TSHZ3: variants seen among roughly 807,000 people sequenced by gnomAD.
The protein encoded by TSHZ3 is teashirt homolog 3.
In TSHZ3, 10 loss-of-function variants were observed where a neutral mutation model predicts 64.5. That is an observed-to-expected ratio of 0.16 (90% CI 0.10 to 0.26). The LOEUF is 0.26. TSHZ3 is among the 10% of genes least tolerant of loss of function. The pLI, the probability that TSHZ3 is intolerant of heterozygous loss-of-function variation, is 1.00. For synonymous variants in TSHZ3, 608 were observed against 593.1 expected (o/e 1.03, Z -0.36); for missense variants, 1,242 against 1,421.7 (o/e 0.87, Z 2.03).
chr19:31,292,787 C>T (rs543243491), intron 1 of TSHZ3, among the ~76,000 whole-genome samples: 1 of 148,784 alleles, frequency 6.7e-6, no homozygotes, highest in South Asian at 2.2e-4. Context: ...TTCATCCATC[C>T]AAAAACATAT....
intron 1 of TSHZ3, among the ~76,000 whole-genome samples, chr19:31,344,403 G>A (rs1282087531): frequency 6.6e-6 from 1 of 152,238 alleles, no homozygotes; most frequent in South Asian, 2.1e-4. Context: ...TTTATTAATT[G>A]TTTTACGACA....
intron 1 of TSHZ3, among the ~76,000 whole-genome samples, chr19:31,324,921 T>C (rs1485295125): frequency 6.6e-6 from 1 of 152,184 alleles, no homozygotes; most frequent in African/African-American, 2.4e-5. Flanking sequence ...AAAATGCTGA[T>C]GTGGTGTCTC....
At chr19:31,226,858 G>A (rs76129567) in intron 4 of TSHZ3, among the ~76,000 whole-genome samples, 3,878 of 151,904 alleles carry the variant, frequency 0.026, 160 homozygotes, top group African/African-American at 0.089. Flanking sequence ...GCAGATATAG[G>A]CATCTGTGAT....
intron 5 of TSHZ3, among the ~76,000 whole-genome samples, chr19:31,180,863 C>G (rs540966167): frequency 1.3e-5 from 2 of 152,254 alleles, no homozygotes; most frequent in African/African-American, 4.8e-5. Context: ...CTGGGGCAGG[C>G]ATGTAATTCT....
intron 6 of TSHZ3, among the ~76,000 whole-genome samples, chr19:31,155,273 GCT>G (rs1472070786): frequency 6.6e-6 from 1 of 152,162 alleles, no homozygotes; most frequent in East Asian, 1.9e-4. Flanking sequence ...TTTGTACCCT[GCT>G]CTCTTACTTG....
chr19:31,273,411 C>T (rs1568365111), downstream of TSHZ3, among the ~76,000 whole-genome samples: 1 of 152,090 alleles, frequency 6.6e-6, no homozygotes, highest in Non-Finnish European at 1.5e-5. Flanking sequence ...ATTGGAAAGC[C>T]CAGAAGATGA....
intron 3 of TSHZ3, among the ~76,000 whole-genome samples, chr19:31,240,406 G>T (rs141110031): frequency 6.6e-6 from 1 of 151,934 alleles, no homozygotes; most frequent in Admixed American, 6.6e-5. Flanking sequence ...AAAATTCTTC[G>T]TGAGAAGAAT....
chr19:31,208,336 C>T (rs1379307150), intron 4 of TSHZ3, among the ~76,000 whole-genome samples: 1 of 152,102 alleles, frequency 6.6e-6, no homozygotes, highest in Non-Finnish European at 1.5e-5. Flanking sequence ...TAATAATTTC[C>T]CATCTTTGTC....
chr19:31,190,244 T>C (rs1252636220), intron 5 of TSHZ3, among the ~76,000 whole-genome samples: 1 of 152,126 alleles, frequency 6.6e-6, no homozygotes, highest in Non-Finnish European at 1.5e-5. Context: ...CCCTGGAGTT[T>C]TTGGCAGAAT....
At chr19:31,293,731 C>T (rs567393748) in intron 1 of TSHZ3, among the ~76,000 whole-genome samples, 2 of 152,350 alleles carry the variant, frequency 1.3e-5, no homozygotes, top group South Asian at 2.1e-4. Flanking sequence ...GTTTTAGAGT[C>T]GCTGATCCTG....
chr19:31,187,918 T>A (rs1974838384), intron 5 of TSHZ3, among the ~76,000 whole-genome samples: 1 of 152,084 alleles, frequency 6.6e-6, no homozygotes, highest in Admixed American at 6.6e-5. Context: ...TCCTCTAGAT[T>A]TCCATAAAAA....
At chr19:31,302,416 C>T (rs1599636034) in intron 1 of TSHZ3, among the ~76,000 whole-genome samples, 1 of 152,232 alleles carries the variant, frequency 6.6e-6, no homozygotes, top group Admixed American at 6.5e-5. Context: ...TCAGAAAGTA[C>T]TCACACCTGT....
intron 4 of TSHZ3, among the ~76,000 whole-genome samples, chr19:31,218,818 T>G (rs1476831880): frequency 6.6e-6 from 1 of 152,252 alleles, no homozygotes; most frequent in East Asian, 1.9e-4. Flanking sequence ...GGCTACATGC[T>G]GTATGATTCT....
chr19:31,281,364 C>T (rs948530566), intron 1 of TSHZ3, among the ~76,000 whole-genome samples: 1 of 152,138 alleles, frequency 6.6e-6, no homozygotes, highest in African/African-American at 2.4e-5. Context: ...GCCAAGATTC[C>T]TAAGCCAAGA....
At chr19:31,247,252 T>G (rs1418594652) in intron 1 of TSHZ3, among the ~76,000 whole-genome samples, 1 of 152,172 alleles carries the variant, frequency 6.6e-6, no homozygotes, top group East Asian at 1.9e-4. Context: ...GACGCTTACT[T>G]ATTTCAAAGG....
intron 5 of TSHZ3, among the ~76,000 whole-genome samples, chr19:31,193,808 T>A (rs559084552): frequency 1.5e-4 from 23 of 151,846 alleles, no homozygotes; most frequent in Admixed American, 7.8e-4. Flanking sequence ...TTTTTGTTAA[T>A]TTTTTTGGCT....
At chr19:31,336,707 G>C (rs1485360473) in intron 1 of TSHZ3, among the ~76,000 whole-genome samples, 1 of 152,134 alleles carries the variant, frequency 6.6e-6, no homozygotes, top group Non-Finnish European at 1.5e-5. Flanking sequence ...GGGAGTGGAG[G>C]GAACAGATGC....
intron 1 of TSHZ3, among the ~76,000 whole-genome samples, chr19:31,309,408 T>C (rs1446562597): frequency 6.6e-6 from 1 of 151,388 alleles, no homozygotes; most frequent in Non-Finnish European, 1.5e-5. Context: ...AAGGACAAAA[T>C]ACTCTACAGG....
chr19:31,216,623 A>T (rs777151826), intron 4 of TSHZ3, among the ~76,000 whole-genome samples: 1 of 148,568 alleles, frequency 6.7e-6, no homozygotes, highest in Non-Finnish European at 1.5e-5. Context: ...TAATTTTTGT[A>T]TTTTTGTTTT....
Sources: allele counts gnomAD v4.1 joint callset (sites outside exome capture counted in the v4.1 genomes callset), GRCh38; gene constraint gnomAD v4.1.1; transcripts MANE v1.5; gene names NCBI Gene and HGNC (gene_info 2026-07-23, HGNC 2026-07-21).